Variants in DNM1 observed in about 807,000 individuals in gnomAD.
The protein encoded by DNM1 is dynamin 1.
A neutral mutation model predicts 104.6 loss-of-function variants in DNM1; 29 were observed. That is an observed-to-expected ratio of 0.28 (90% CI 0.21 to 0.38). The LOEUF (loss-of-function observed/expected upper bound fraction) is 0.38. Among genes scored for constraint, DNM1 ranks in the 10% least tolerant of loss-of-function variants. DNM1 has a pLI of 1.00. For synonymous variants in DNM1, 445 were observed against 475.8 expected (o/e 0.94, Z 0.84); for missense variants, 640 against 1,189.4 (o/e 0.54, Z 6.79).
In DNM1 at chr9:128,253,269, C is replaced by CT; in HGVS notation, c.2535-1382dup. 4 of 813,114 alleles carry CT rather than the reference C, an allele frequency of 4.9e-6. No individual in the cohort carries two copies. The highest frequency in any genetic ancestry group is 7.9e-6 in the Non-Finnish European group (4 of 503,246). The allele number at this position is 813,114 out of a possible 1,614,324, so 50.4% of individuals were successfully genotyped here. A position where few individuals can be genotyped will look rare whatever the true frequency, so the allele number is the denominator to read the frequency against. Reference sequence around the variant, plus strand: ...TCCCTTCTGCAGCTGCAGACTTGCTCTTTCCTCTTTCTGTCCTTGTGCCGC... The same window carrying CT: ...TCCCTTCTGCAGCTGCAGACTTGCTCTTTTCCTCTTTCTGTCCTTGTGCCGC... On this transcript the variant is annotated intron_variant, in intron 21 of 21. Transcript: ENST00000372923. The surrounding 1 kb of genome is among the most constrained non-coding windows in gnomAD (Gnocchi z 5.9).
chr9:128,218,163 C>T lies in DNM1; in HGVS notation c.162-68C>T. 1 of 1,480,984 alleles carries T rather than the reference C, an allele frequency of 6.8e-7. No homozygotes were observed. Among genetic ancestry groups the T allele is most frequent in the South Asian group, 1.1e-5 (1 of 88,414 alleles). The allele number at this position is 1,480,984 out of a possible 1,614,324, so 91.7% of individuals were successfully genotyped here. A position where few individuals can be genotyped will look rare whatever the true frequency, so the allele number is the denominator to read the frequency against. Reference sequence around the variant, plus strand: ...AGCTTTGGCTTTCCCAGGGGCCGGACAGGTACCCCTGGGACAGAGGGCGCC... The same window carrying T: ...AGCTTTGGCTTTCCCAGGGGCCGGATAGGTACCCCTGGGACAGAGGGCGCC... On this transcript the variant is annotated intron_variant, in intron 1 of 21. Transcript: ENST00000372923. This position sits in a 1 kb window ranked among gnomAD's most constrained non-coding sequence, Gnocchi z 4.8.
chr9:128,239,966 T>C lies in DNM1; in HGVS notation c.1546-19T>C, dbSNP rs1017602509. The C allele has an allele frequency of 1.9e-6, 3 of 1,613,894 alleles. No homozygotes were observed. The African/African-American group carries it at 4.0e-5, about 22-fold the overall frequency. On this transcript the variant is annotated intron_variant, in intron 13 of 21. Coordinates refer to ENST00000372923, the MANE Select transcript of DNM1 (RefSeq NM_004408.4). ...TCTCCCCGATGCCTCTCGTGGTTGCTATGGTTACCTCTTTGCAGGATGAGA... is the reference window on the plus strand; with the variant it reads ...TCTCCCCGATGCCTCTCGTGGTTGCCATGGTTACCTCTTTGCAGGATGAGA...
intron 21 of DNM1, chr9:128,252,095 G>C: frequency 4.9e-6 from 1 of 203,984 alleles, no homozygotes; most frequent in Non-Finnish European, 9.9e-6. Context: ...TTCCCTCCCA[G>C]AGCCTCAGCA....
Position 128,254,570 on chromosome 9 carries a change from C to CGG in DNM1, c.2535-84_2535-83insGG. 6.3e-7 allele frequency: 1 copy of CGG among 1,588,690 alleles called. No individual in the cohort carries two copies. Among genetic ancestry groups the CGG allele is most frequent in the Non-Finnish European group, 8.5e-7 (1 of 1,174,282 alleles). ...CCACCACTGCTGCGGCGCGGCCGGC[C>CGG]CCGGCCGTGTGCTGCGCTTGCCTTA... On this transcript the variant is annotated intron_variant, in intron 21 of 21. Coordinates refer to ENST00000372923, the MANE Select transcript of DNM1 (RefSeq NM_004408.4). This position sits in a 1 kb window ranked among gnomAD's most constrained non-coding sequence, Gnocchi z 6.1.
At chr9:128,216,016 G>A (rs1490958047) in intron 1 of DNM1, among the ~76,000 whole-genome samples, 1 of 151,992 alleles carries the variant, frequency 6.6e-6, no homozygotes, top group South Asian at 2.1e-4. Flanking sequence ...GAGACCGGAA[G>A]TCCTCCCACC....
intron 1 of DNM1, among the ~76,000 whole-genome samples, chr9:128,204,613 T>G (rs1371392346): frequency 1.3e-5 from 2 of 151,990 alleles, no homozygotes; most frequent in Non-Finnish European, 2.9e-5. Flanking sequence ...AGAAATAGTT[T>G]TTCTGGTGCT....
chr9:128,246,292 T>C, intron 15 of DNM1, 102 bp from the exon 16 acceptor site: 1 of 823,618 alleles, frequency 1.2e-6, no homozygotes, highest in South Asian at 1.4e-5. Flanking sequence ...GGGAGGGGGC[T>C]GATGCTTAGA....
At chr9:128,215,475 C>G (rs1167316444) in intron 1 of DNM1, among the ~76,000 whole-genome samples, 1 of 152,268 alleles carries the variant, frequency 6.6e-6, no homozygotes, top group Non-Finnish European at 1.5e-5. Flanking sequence ...ACCTCCCCAT[C>G]TGGGCACCAG....
At chr9:128,251,139 C>T (rs1448751601) in intron 21 of DNM1, 199 bp downstream of exon 21, 10 of 675,128 alleles carry the variant, frequency 1.5e-5, no homozygotes, top group Admixed American at 1.1e-4. Context: ...CGCTGAGTCC[C>T]GGAGGTGGTC....
At position 128,220,776 on chromosome 9, in the gene DNM1, ACTGT is replaced by A. The variant is rs1209037621; in HGVS notation, c.849+444_849+447del. ...GTGTGTGTGTGTGTGTGTCTGTCTG[ACTGT>A]CTGTCTGTGTAGGCAAGACCTGGTT... On this transcript the variant is annotated intron_variant, in intron 6 of 21. Transcript: ENST00000372923. This position sits in a 1 kb window ranked among gnomAD's most constrained non-coding sequence, Gnocchi z 5.2. Among the ~76,000 whole-genome samples, 200 of 122,604 alleles carry A rather than the reference ACTGT, an allele frequency of 1.6e-3. No homozygotes were observed. The highest frequency in any genetic ancestry group is 8.5e-3 in the Middle Eastern group (2 of 236). The allele number at this position is 122,604 out of a possible 152,430, so 80.4% of individuals were successfully genotyped here. A position where few individuals can be genotyped will look rare whatever the true frequency, so the allele number is the denominator to read the frequency against.
At chr9:128,217,817 G>A (rs1268006691) in intron 1 of DNM1, among the ~76,000 whole-genome samples, 2 of 152,144 alleles carry the variant, frequency 1.3e-5, no homozygotes, top group African/African-American at 2.4e-5. Context: ...GCCCCACAGC[G>A]GAAGGGAGGG....
chr9:128,205,469 A>C (rs1428458214), intron 1 of DNM1, among the ~76,000 whole-genome samples: 1 of 152,208 alleles, frequency 6.6e-6, no homozygotes, highest in Non-Finnish European at 1.5e-5. Flanking sequence ...CCTGGAGGTT[A>C]GATGCCTTGC....
intron 15 of DNM1, 85 bp from the exon 16 acceptor site, chr9:128,246,308 TG>T: frequency 1.1e-6 from 1 of 944,330 alleles, no homozygotes; most frequent in Non-Finnish European, 1.7e-6. Context: ...TTAGAAGCCC[TG>T]GGCCAGTCAG....
At chr9:128,206,773 G>T (rs1480250639) in intron 1 of DNM1, among the ~76,000 whole-genome samples, 2 of 152,014 alleles carry the variant, frequency 1.3e-5, no homozygotes, top group Non-Finnish European at 2.9e-5. Flanking sequence ...GATAGGCAGG[G>T]GCTAGATCTA....
intron 10 of DNM1, among the ~76,000 whole-genome samples, chr9:128,231,087 G>A (rs931809147): frequency 2.6e-5 from 4 of 151,780 alleles, no homozygotes; most frequent in African/African-American, 4.8e-5. Flanking sequence ...ACAGGCATGC[G>A]CCACCATGCC....
At chr9:128,223,152 C>A in intron 9 of DNM1, 1 of 423,282 alleles carries the variant, frequency 2.4e-6, no homozygotes, top group Non-Finnish European at 4.3e-6. Context: ...GATAGCTCCC[C>A]CAGTGCCACC....
intron 11 of DNM1, among the ~76,000 whole-genome samples, chr9:128,237,351 T>C (rs1166778743): frequency 6.6e-6 from 1 of 151,790 alleles, no homozygotes; most frequent in Non-Finnish European, 1.5e-5. Flanking sequence ...AACCTCTGCC[T>C]CCCGGGTTCA....
At chr9:128,252,426 G>T (rs1368198408) in intron 21 of DNM1, 4 of 401,996 alleles carry the variant, frequency 1.0e-5, no homozygotes, top group African/African-American at 2.1e-5. Flanking sequence ...CTTCAGTGCA[G>T]TCTGAGGCAT....
At chr9:128,238,467 G>T (rs1165407789) in intron 11 of DNM1, among the ~76,000 whole-genome samples, 1 of 150,398 alleles carries the variant, frequency 6.6e-6, no homozygotes, top group Non-Finnish European at 1.5e-5. Context: ...CAGGTGATCC[G>T]CCCACTTCGG....
Sources: gnomAD v4.1 joint callset for allele counts (sites outside exome capture counted in the v4.1 genomes callset) on GRCh38, gnomAD v4.1.1 for gene constraint, Gnocchi (gnomAD v3.1) non-coding constraint, MANE v1.5 for transcripts, NCBI Gene and HGNC (gene_info 2026-07-23, HGNC 2026-07-21) for gene names.